TMPRSS11B: variants seen among roughly 807,000 people sequenced by gnomAD.
TMPRSS11B encodes the protein transmembrane serine protease 11B, also known as transmembrane protease serine 11B.
A neutral mutation model predicts 44.7 loss-of-function variants in TMPRSS11B; 53 were observed. That is an observed-to-expected ratio of 1.19 (90% CI 0.95 to 1.49). TMPRSS11B has a LOEUF of 1.49. Ranked by LOEUF, TMPRSS11B falls within the 40% of genes most tolerant of loss-of-function variation. TMPRSS11B has a pLI of 0.00. For missense variants in TMPRSS11B, 526 were observed against 494.8 expected, an observed-to-expected ratio of 1.06 and a Z score of -0.60; for synonymous variants, 140 against 159.2, an observed-to-expected ratio of 0.88 and a Z score of 0.91.
At chr4:68,242,339 T>TATTAATATA (rs35594320) in intron 1 of TMPRSS11B, among the ~76,000 whole-genome samples, 25 of 10,614 alleles carry the variant, frequency 2.4e-3, no homozygotes, top group African/African-American at 6.3e-3. Context: ...TTATATTATA[T>TATTAATATA]ATATATTATA....
At chr4:68,234,362 TCCCGAA>T in intron 5 of TMPRSS11B, 95 bp downstream of exon 5, 2 of 1,286,326 alleles carry the variant, frequency 1.6e-6, no homozygotes, top group Admixed American at 2.3e-5. Context: ...CATATTTTTT[TCCCGAA>T]TTACTAAAAC....
Position 68,229,256 on chromosome 4 carries a change from C to A in TMPRSS11B, c.946+1G>T. 1 of 1,583,136 alleles carries A rather than the reference C, an allele frequency of 6.3e-7. No individual in the cohort carries two copies. Among genetic ancestry groups the A allele is most frequent in the South Asian group, 1.2e-5 (1 of 86,510 alleles). On this transcript the variant is annotated splice_donor_variant, in intron 8 of 9. Coordinates refer to ENST00000332644, the MANE Select transcript of TMPRSS11B (RefSeq NM_182502.3). LOFTEE classifies it high-confidence loss of function. ...TATTATGATTTTACAAAAAAACTTA[C>A]CATTCATATAAAGTGTTCCCCAACC... is the stretch of plus-strand genomic sequence containing the variant.
At position 68,236,915 on chromosome 4, in the gene TMPRSS11B, CATTATTATTATT is replaced by C. The variant is rs10582916; in HGVS notation, c.125-661_125-650del. On this transcript the variant is annotated intron_variant, in intron 2 of 9. Transcript: ENST00000332644. ...TTATTCCTGGAGGACACCATGGTGC[CATTATTATTATT>C]ATTATTATTATTATTATTATTATTA... Among the ~76,000 whole-genome samples the C allele has an allele frequency of 1.6e-3, 235 of 143,086 alleles. 2 individuals carry two copies. The highest frequency in any genetic ancestry group is 4.4e-3 in the African/African-American group (172 of 39,020). 93.9% of individuals were successfully genotyped at this position (143,086 alleles called of 152,430 possible). A position where few individuals can be genotyped will look rare whatever the true frequency, so the allele number is the denominator to read the frequency against.
At chr4:68,238,996 T>A (rs1427313596) in intron 2 of TMPRSS11B, among the ~76,000 whole-genome samples, 1 of 152,210 alleles carries the variant, frequency 6.6e-6, no homozygotes, top group Non-Finnish European at 1.5e-5. Flanking sequence ...AGATTTCTGA[T>A]TCCAGTTATA....
At position 68,229,469 on chromosome 4, in the gene TMPRSS11B, T is replaced by TTTAC; in HGVS notation, c.730_733dup (p.Asn245SerfsTer3). 6 of 1,613,496 alleles carry TTTAC rather than the reference T, an allele frequency of 3.7e-6. No homozygotes were observed. Among genetic ancestry groups the TTTAC allele is most frequent in the Non-Finnish European group, 5.1e-6 (6 of 1,179,594 alleles). On this transcript the variant is annotated frameshift_variant, in exon 8 of 10. Transcript: ENST00000332644. LOFTEE classifies it high-confidence loss of function. ...GACTTTCCGTGTCATATATGGTTTA[T>TTTAC]TTACTACAATTCCAAAGTTGACAGT... is the stretch of plus-strand genomic sequence containing the variant.
intron 1 of TMPRSS11B, among the ~76,000 whole-genome samples, chr4:68,245,023 T>G (rs1719960893): frequency 6.6e-6 from 1 of 152,274 alleles, no homozygotes; most frequent in African/African-American, 2.4e-5. Context: ...CACTTTCTCC[T>G]GGAACTTTGA....
chr4:68,229,219 T>A, intron 8 of TMPRSS11B, 38 bp downstream of exon 8: 1 of 1,502,922 alleles, frequency 6.7e-7, no homozygotes, highest in Non-Finnish European at 9.0e-7. Flanking sequence ...TAAATAGTTA[T>A]TCCCATGCAG....
intron 1 of TMPRSS11B, among the ~76,000 whole-genome samples, chr4:68,242,772 G>A: frequency 6.6e-6 from 1 of 151,910 alleles, no homozygotes; most frequent in African/African-American, 2.4e-5. Context: ...TCACCATGTT[G>A]CCCAGGCTAG....
At chr4:68,237,956 A>G (rs1342949008) in intron 2 of TMPRSS11B, among the ~76,000 whole-genome samples, 3 of 152,130 alleles carry the variant, frequency 2.0e-5, no homozygotes, top group African/African-American at 4.8e-5. Context: ...GTTCAAGTCT[A>G]CAGTGAGCTG....
chr4:68,231,501 G>C (rs1238104905), intron 6 of TMPRSS11B, 121 bp from the exon 7 acceptor site: 1 of 927,612 alleles, frequency 1.1e-6, no homozygotes, highest in Non-Finnish European at 1.6e-6. Flanking sequence ...AATTGATGAC[G>C]TTTCTTTCCT....
chr4:68,241,307 C>G (rs925406170), intron 2 of TMPRSS11B, among the ~76,000 whole-genome samples: 9 of 152,054 alleles, frequency 5.9e-5, no homozygotes, highest in African/African-American at 1.9e-4. Flanking sequence ...TTCATTGCTA[C>G]TTATTCATCA....
intron 5 of TMPRSS11B, among the ~76,000 whole-genome samples, chr4:68,233,851 A>T (rs940725274): frequency 6.6e-6 from 1 of 151,912 alleles, no homozygotes; most frequent in African/African-American, 2.4e-5. Context: ...CTGTCATGAG[A>T]TCCTGACAAA....
intron 5 of TMPRSS11B, 132 bp from the exon 6 acceptor site, chr4:68,232,548 G>T (rs551831973): frequency 2.8e-6 from 2 of 716,650 alleles, no homozygotes; most frequent in South Asian, 2.0e-5. Context: ...GAGTAGTTCA[G>T]GTATTTTCAG....
rs373313630 is a variant in TMPRSS11B, at chr4:68,228,900, G to T, written c.947-16C>A. 1 of 1,609,188 alleles carries T rather than the reference G, an allele frequency of 6.2e-7. No individual in the cohort carries two copies. Among genetic ancestry groups the T allele is most frequent in the Non-Finnish European group, 8.5e-7 (1 of 1,178,002 alleles). On this transcript the variant is annotated splice_polypyrimidine_tract_variant and intron_variant, in intron 8 of 9. Transcript: ENST00000332644. ...GGAAATGAACCTAAAAGCAATAAGT[G>T]CTGCATATTATGCAGATCTTAGACT...
chr4:68,231,186 C>G lies in TMPRSS11B; in HGVS notation c.686+17G>C. On this transcript the variant is annotated intron_variant, in intron 7 of 9. Transcript: ENST00000332644. Reference sequence around the variant, plus strand: ...TTGCACCTAGCATCCTTCATTTAGTCAAATTTTCAAACTTACTTAGCAAAG... The same window carrying G: ...TTGCACCTAGCATCCTTCATTTAGTGAAATTTTCAAACTTACTTAGCAAAG... 3 of 1,591,052 alleles carry G rather than the reference C, an allele frequency of 1.9e-6. No homozygotes were observed. The highest frequency in any genetic ancestry group is 2.6e-6 in the Non-Finnish European group (3 of 1,168,292).
At position 68,234,590 on chromosome 4, in the gene TMPRSS11B, CTG is replaced by C. The variant is rs1236040597; in HGVS notation, c.340_341del (p.Gln114AlafsTer12). The C allele has an allele frequency of 6.2e-7, 1 of 1,613,920 alleles. No individual in the cohort carries two copies. Among genetic ancestry groups the C allele is most frequent in the Admixed American group, 1.7e-5 (1 of 60,000 alleles). On this transcript the variant is annotated frameshift_variant, in exon 5 of 10. Transcript: ENST00000332644. LOFTEE classifies it high-confidence loss of function. ...CTGCTGGAGGAAACTTGAATTTCAGCTGTAACTGCACATTTGAACCATTGGCA... is the reference window on the plus strand; with the variant it reads ...CTGCTGGAGGAAACTTGAATTTCAGCTAACTGCACATTTGAACCATTGGCA... ...PNANGSNVQL[Q>X]LKFKFPPAEG...
chr4:68,245,655 A>C lies in TMPRSS11B; in HGVS notation c.-97T>G. The C allele has an allele frequency of 2.0e-6, 3 of 1,468,630 alleles. No individual in the cohort carries two copies. The highest frequency in any genetic ancestry group is 2.9e-6 in the Non-Finnish European group (3 of 1,050,364). The allele number at this position is 1,468,630 out of a possible 1,614,324, so 91.0% of individuals were successfully genotyped here. The stretch of plus-strand genomic sequence containing the variant: ...GACAATGCTGGTAATAGTGATGACA[A>C]AAGTTAGAACCTTCTGACGCAGCTT... On this transcript the variant is annotated 5_prime_UTR_variant, in exon 1 of 10. Coordinates refer to ENST00000332644, the MANE Select transcript of TMPRSS11B (RefSeq NM_182502.3).
chr4:68,234,538 T>A lies in TMPRSS11B; in HGVS notation c.394A>T (p.Lys132Ter). Residue 132 changes from lysine to a stop codon, truncating the protein, a stop_gained, in exon 5 of 10, where the codon AAG becomes TAG. Coordinates refer to ENST00000332644, the MANE Select transcript of TMPRSS11B (RefSeq NM_182502.3). LOFTEE classifies it high-confidence loss of function. ...TTCAACATCTGATGTAATTTAGCCT[T>A]GATTTTAGTCCTCATGCTAACTCCT... The part of the protein sequence containing the change: ...AEGVSMRTKI[K>*]AKLHQMLKNN... The A allele has an allele frequency of 6.2e-7, 1 of 1,614,024 alleles. No homozygotes were observed. The highest frequency in any genetic ancestry group is 2.2e-5 in the East Asian group (1 of 44,834).
chr4:68,243,985 G>A (rs1045763774), intron 1 of TMPRSS11B, among the ~76,000 whole-genome samples: 2 of 151,926 alleles, frequency 1.3e-5, no homozygotes, highest in African/African-American at 4.8e-5. Flanking sequence ...ATAATTTAAA[G>A]TACTATTTTA....
Sources: gnomAD v4.1 joint callset for allele counts (sites outside exome capture counted in the v4.1 genomes callset) on GRCh38, gnomAD v4.1.1 for gene constraint, MANE v1.5 for transcripts, NCBI Gene and HGNC (gene_info 2026-07-23, HGNC 2026-07-21) for gene names.